STAMBPL1: variants seen among roughly 807,000 people sequenced by gnomAD.
STAMBPL1 encodes STAM binding protein like 1.
STAMBPL1 carries 44 observed loss-of-function variants against 52.9 expected under a neutral mutation model. The ratio of observed to expected loss-of-function variants is 0.83; its 90% CI spans 0.65 to 1.07. The LOEUF (loss-of-function observed/expected upper bound fraction) is 1.07. Ranked by LOEUF, STAMBPL1 falls within the 50% of genes least tolerant of loss-of-function variation. STAMBPL1 has a pLI of 0.00. For missense variants in STAMBPL1, 511 were observed against 520.8 expected (o/e 0.98, Z 0.18); for synonymous variants, 164 against 177.3 (o/e 0.92, Z 0.60).
chr10:88,915,070 C>T (rs757292341), intron 7 of STAMBPL1, among the ~76,000 whole-genome samples: 7 of 152,014 alleles, frequency 4.6e-5, no homozygotes, highest in African/African-American at 1.2e-4. Context: ...TTCAGATACA[C>T]GTGGAATAAA....
At chr10:88,901,781 CAAAAAG>C (rs1193389304) in intron 2 of STAMBPL1, 43 bp downstream of exon 2, 2 of 1,586,602 alleles carry the variant, frequency 1.3e-6, no homozygotes, top group Admixed American at 3.5e-5. Context: ...TTGGAAAGCC[CAAAAAG>C]AAGAACAGAA....
chr10:88,906,019 G>C (rs1036078028), intron 3 of STAMBPL1, among the ~76,000 whole-genome samples: 1 of 152,134 alleles, frequency 6.6e-6, no homozygotes, highest in Non-Finnish European at 1.5e-5. Context: ...CTACAGTGCA[G>C]CTCCATTTAT....
chr10:88,923,344 C>G lies in STAMBPL1; in HGVS notation c.*120C>G. 1 of 1,405,242 alleles carries G rather than the reference C, an allele frequency of 7.1e-7. No individual in the cohort carries two copies. Among genetic ancestry groups the G allele is most frequent in the East Asian group, 2.8e-5 (1 of 35,828 alleles). 87.0% of individuals were successfully genotyped at this position (1,405,242 alleles called of 1,614,324 possible). A position where few individuals can be genotyped will look rare whatever the true frequency, so the allele number is the denominator to read the frequency against. On this transcript the variant is annotated 3_prime_UTR_variant, in exon 11 of 11. Coordinates refer to ENST00000371926, the MANE Select transcript of STAMBPL1 (RefSeq NM_020799.4). ...TTTTATATTTATACATTTTAGATGA[C>G]AAAGCTTGATATTTATTGCTGTTGC...
chr10:88,884,316 G>A (rs1305172641), intron 1 of STAMBPL1, among the ~76,000 whole-genome samples: 1 of 152,190 alleles, frequency 6.6e-6, no homozygotes, highest in Non-Finnish European at 1.5e-5. Flanking sequence ...GAACAGAAGT[G>A]AAAAGCGGGT....
Position 88,880,348 on chromosome 10 carries a change from C to G in STAMBPL1, c.-344C>G, listed in dbSNP as rs1844369115. 2 of 152,258 alleles carry G rather than the reference C, an allele frequency of 1.3e-5. No homozygotes were observed. Among genetic ancestry groups the G allele is most frequent in the African/African-American group, 2.4e-5 (1 of 41,462 alleles). The allele number at this position is 152,258 out of a possible 1,614,324, so 9.4% of individuals were successfully genotyped here. A position where few individuals can be genotyped will look rare whatever the true frequency, so the allele number is the denominator to read the frequency against. On this transcript the variant is annotated 5_prime_UTR_variant, in exon 1 of 11. Transcript: ENST00000371926. Reference sequence around the variant, plus strand: ...GGCTTGCGAGGACGCTGTTCGTCCCCTGCGCTGGGGTGTCCGACAGCGAGG... The same window carrying G: ...GGCTTGCGAGGACGCTGTTCGTCCCGTGCGCTGGGGTGTCCGACAGCGAGG...
chr10:88,898,779 C>T (rs2133155921), intron 1 of STAMBPL1, among the ~76,000 whole-genome samples: 1 of 152,302 alleles, frequency 6.6e-6, no homozygotes, highest in South Asian at 2.1e-4. Context: ...TCACCCAGCC[C>T]TGAATCCACC....
chr10:88,890,294 C>A (rs926442373), intron 1 of STAMBPL1, among the ~76,000 whole-genome samples: 1 of 152,152 alleles, frequency 6.6e-6, no homozygotes, highest in Non-Finnish European at 1.5e-5. Flanking sequence ...GGGCTTTAAG[C>A]AAAGGAATGG....
chr10:88,891,465 TAAAATTAGTGGGC>T (rs1844681637), intron 1 of STAMBPL1, among the ~76,000 whole-genome samples: 1 of 152,166 alleles, frequency 6.6e-6, no homozygotes, highest in Non-Finnish European at 1.5e-5. Context: ...CTTCAAATGC[TAAAATTAGTGGGC>T]AATGGTATAT....
chr10:88,904,887 G>A (rs1415422571), intron 2 of STAMBPL1, among the ~76,000 whole-genome samples: 1 of 151,776 alleles, frequency 6.6e-6, no homozygotes, highest in Non-Finnish European at 1.5e-5. Flanking sequence ...GCTTGAAAAG[G>A]CTTCTCCAGG....
At chr10:88,919,043 G>C (rs980015329) in intron 8 of STAMBPL1, among the ~76,000 whole-genome samples, 1 of 152,088 alleles carries the variant, frequency 6.6e-6, no homozygotes, top group Non-Finnish European at 1.5e-5. Context: ...TTTTATGACG[G>C]TTTTTATTAA....
chr10:88,922,116 C>A (rs1250488134), intron 9 of STAMBPL1, among the ~76,000 whole-genome samples: 3 of 152,202 alleles, frequency 2.0e-5, no homozygotes, highest in African/African-American at 7.2e-5. Context: ...TGCCTTGTCC[C>A]CTTAACGGTC....
intron 7 of STAMBPL1, among the ~76,000 whole-genome samples, chr10:88,916,014 C>T (rs1417166311): frequency 6.6e-6 from 1 of 152,094 alleles, no homozygotes; most frequent in African/African-American, 2.4e-5. Context: ...AACATCTGTT[C>T]CTTGAGGATC....
In STAMBPL1 at chr10:88,883,296, G is replaced by A. The variant is rs569515626; in HGVS notation, c.-54+2658G>A. Among the ~76,000 whole-genome samples, 4 of 151,928 alleles carry A rather than the reference G, an allele frequency of 2.6e-5. No homozygotes were observed. The East Asian group carries it at 7.7e-4, about 29-fold the overall frequency. On this transcript the variant is annotated intron_variant, in intron 1 of 10. Coordinates refer to ENST00000371926, the MANE Select transcript of STAMBPL1 (RefSeq NM_020799.4). ...AATCCCAGTTCATATAATCAACTAA[G>A]AAGGCCAACATCCTCGATTGAAGAA...
chr10:88,922,945 C>T (rs939156974), intron 10 of STAMBPL1, among the ~76,000 whole-genome samples: 1 of 151,360 alleles, frequency 6.6e-6, no homozygotes, highest in African/African-American at 2.4e-5. Context: ...ATTATATTGA[C>T]GTTAGAATTT....
chr10:88,915,997 T>C (rs1355942285), intron 7 of STAMBPL1, among the ~76,000 whole-genome samples: 2 of 152,112 alleles, frequency 1.3e-5, no homozygotes, highest in Admixed American at 6.6e-5. Flanking sequence ...TAGCCTCTCA[T>C]TGCACAAACA....
chr10:88,916,402 T>C (rs1845370319), intron 7 of STAMBPL1, among the ~76,000 whole-genome samples: 2 of 151,596 alleles, frequency 1.3e-5, no homozygotes, highest in African/African-American at 4.8e-5. Flanking sequence ...TGCAAGTTCC[T>C]ATTTCTGTTA....
chr10:88,922,240 A>G (rs1357869171), intron 9 of STAMBPL1, 97 bp from the exon 10 acceptor site: 4 of 1,142,998 alleles, frequency 3.5e-6, no homozygotes, highest in Non-Finnish European at 5.1e-6. Flanking sequence ...TCTCAATCCC[A>G]TCTGAGGAAT....
rs761888743 is a variant in STAMBPL1, at chr10:88,905,682, G to T, written c.248+22G>T. On this transcript the variant is annotated intron_variant, in intron 3 of 10. Transcript: ENST00000371926. ...TAACGTAAGTGTTTTAAAGGCCTCT[G>T]AAGTGAGAAAATTGGAAAAATATTT... 4.2e-5 allele frequency: 67 copies of T among 1,581,460 alleles called. No individual in the cohort carries two copies. The South Asian group carries it at 7.2e-4, about 17-fold the overall frequency.
intron 5 of STAMBPL1, among the ~76,000 whole-genome samples, chr10:88,912,079 A>G (rs916261690): frequency 6.6e-6 from 1 of 152,208 alleles, no homozygotes; most frequent in African/African-American, 2.4e-5. Flanking sequence ...CTGTGGGTTT[A>G]GAATAGCAGG....
Sources: gnomAD v4.1 joint callset for allele counts (sites outside exome capture counted in the v4.1 genomes callset) on GRCh38, gnomAD v4.1.1 for gene constraint, MANE v1.5 for transcripts, NCBI Gene and HGNC (gene_info 2026-07-23, HGNC 2026-07-21) for gene names.